Variants in NAV3 observed in about 807,000 individuals in gnomAD.
NAV3 encodes pore membrane and/or filament interacting like protein 1.
NAV3 carries 87 observed loss-of-function variants against 244.7 expected under a neutral mutation model. That is an observed-to-expected ratio of 0.36 (90% CI 0.30 to 0.42). The LOEUF is 0.42. Among genes scored for constraint, NAV3 ranks in the 20% least tolerant of loss-of-function variants. The pLI is 1.00. For synonymous variants in NAV3, 1,126 were observed against 1,042.2 expected (o/e 1.08, Z -1.55); for missense variants, 2,663 against 2,893.3 (o/e 0.92, Z 1.83).
intron 3 of NAV3, among the ~76,000 whole-genome samples, chr12:77,953,735 A>G (rs1891111977): frequency 6.6e-6 from 1 of 152,136 alleles, no homozygotes; most frequent in Non-Finnish European, 1.5e-5. Context: ...CTCTGCCCCC[A>G]GCACTAAGAC....
intron 2 of NAV3, among the ~76,000 whole-genome samples, chr12:77,672,215 A>G (rs1874009800): frequency 6.6e-6 from 1 of 152,202 alleles, no homozygotes; most frequent in South Asian, 2.1e-4. Flanking sequence ...GCCTGCAAGC[A>G]TGGTCATAAG....
At chr12:77,598,815 G>C (rs1343807517) in intron 2 of NAV3, among the ~76,000 whole-genome samples, 1 of 151,876 alleles carries the variant, frequency 6.6e-6, no homozygotes, top group South Asian at 2.1e-4. Context: ...GTTTACCCAT[G>C]TCCCTTTGGG....
intron 6 of NAV3, among the ~76,000 whole-genome samples, chr12:77,997,576 C>T (rs1338312923): frequency 6.6e-6 from 1 of 152,172 alleles, no homozygotes; most frequent in Non-Finnish European, 1.5e-5. Flanking sequence ...AAGCTATTGT[C>T]ACTACATGTA....
At chr12:77,829,547 CT>C (rs1873375507), upstream of NAV3, among the ~76,000 whole-genome samples, 1 of 152,062 alleles carries the variant, frequency 6.6e-6, no homozygotes, top group African/African-American at 2.4e-5. Flanking sequence ...TCTGTATTAC[CT>C]TATAGTTTCT....
intron 1 of NAV3, among the ~76,000 whole-genome samples, chr12:77,908,764 A>T (rs1040587073): frequency 1.3e-5 from 2 of 151,992 alleles, no homozygotes; most frequent in Non-Finnish European, 1.5e-5. Context: ...CTTCTAAGAA[A>T]TTTTTCTGCT....
intron 1 of NAV3, among the ~76,000 whole-genome samples, chr12:77,851,204 A>G (rs1877466790): frequency 6.6e-6 from 1 of 151,984 alleles, no homozygotes; most frequent in Non-Finnish European, 1.5e-5. Context: ...AATTTTTTTT[A>G]TGTAACTGTT....
intron 1 of NAV3, among the ~76,000 whole-genome samples, chr12:77,849,322 G>A (rs749067665): frequency 6.6e-6 from 1 of 151,838 alleles, no homozygotes; most frequent in East Asian, 1.9e-4. Flanking sequence ...TGTCTATATC[G>A]CAAAAAGAGC....
chr12:78,172,518 C>G (rs1280315537), intron 24 of NAV3, among the ~76,000 whole-genome samples: 1 of 151,438 alleles, frequency 6.6e-6, no homozygotes, highest in East Asian at 1.9e-4. Flanking sequence ...TATACCCAAA[C>G]AGTTATAAGT....
At chr12:77,778,393 A>C (rs1014722994) in intron 2 of NAV3, among the ~76,000 whole-genome samples, 13 of 151,678 alleles carry the variant, frequency 8.6e-5, no homozygotes, top group Admixed American at 8.6e-4. Flanking sequence ...CAGGTGGATC[A>C]CGAGGTCAGG....
chr12:77,863,782 G>C (rs1592819778), intron 1 of NAV3, among the ~76,000 whole-genome samples: 1 of 151,810 alleles, frequency 6.6e-6, no homozygotes, highest in Admixed American at 6.6e-5. Flanking sequence ...GCTACTCTGA[G>C]AATAAGATAA....
chr12:77,816,965 G>A (rs1413311838), intron 2 of NAV3, among the ~76,000 whole-genome samples: 3 of 152,124 alleles, frequency 2.0e-5, no homozygotes. Context: ...CTTCCTTATT[G>A]ACAAATTGAA....
rs1318632788 is a variant in NAV3 at position 77,693,431 on chromosome 12, C to T, written c.72+121165C>T. The stretch of plus-strand genomic sequence containing the variant: ...GTCTATAACCTAGAAATCATTTGCT[C>T]CAACATCCCTATCTAGTATCAGTTG... On this transcript the variant is annotated intron_variant, in intron 2 of 8. Coordinates refer to the NAV3 transcript ENST00000550042. Among the ~76,000 whole-genome samples the T allele has an allele frequency of 5.3e-5, 8 of 151,922 alleles. No homozygotes were observed. In the South Asian group the frequency reaches 1.7e-3, roughly 32 times the overall value.
chr12:78,166,184 AG>A (rs1398440181), intron 23 of NAV3, among the ~76,000 whole-genome samples: 1 of 151,868 alleles, frequency 6.6e-6, no homozygotes, highest in Non-Finnish European at 1.5e-5. Flanking sequence ...ACAGGAAAAC[AG>A]GTTTCACAAG....
intron 2 of NAV3, among the ~76,000 whole-genome samples, chr12:77,643,730 A>T (rs1308759831): frequency 6.6e-6 from 1 of 151,956 alleles, no homozygotes; most frequent in African/African-American, 2.4e-5. Flanking sequence ...AAATTTCATG[A>T]GTTATTAGAT....
At chr12:77,687,377 A>C (rs1874804376) in intron 2 of NAV3, among the ~76,000 whole-genome samples, 1 of 152,064 alleles carries the variant, frequency 6.6e-6, no homozygotes, top group Admixed American at 6.6e-5. Flanking sequence ...AGGGCATAAG[A>C]AAGCCGTATT....
intron 2 of NAV3, among the ~76,000 whole-genome samples, chr12:77,766,734 A>ATTTTTTTTTTTTTTTTTTTTTTT (rs1565805085): frequency 1.9e-5 from 1 of 53,342 alleles, no homozygotes; most frequent in Admixed American, 2.5e-4. Context: ...CAGGCAATTA[A>ATTTTTTTTTTTTTTTTTTTTTTT]GTTTTTTTTT....
At chr12:77,767,424 T>C (rs1407367841) in intron 2 of NAV3, among the ~76,000 whole-genome samples, 1 of 152,116 alleles carries the variant, frequency 6.6e-6, no homozygotes, top group African/African-American at 2.4e-5. Flanking sequence ...CTTGGCCTGG[T>C]AGTCTGCACT....
chr12:78,030,606 C>G (rs1252059642), intron 9 of NAV3, among the ~76,000 whole-genome samples: 2 of 152,160 alleles, frequency 1.3e-5, no homozygotes, highest in East Asian at 3.8e-4. Flanking sequence ...CTCCATCAGT[C>G]TTTTCAGTAA....
chr12:78,069,746 A>G (rs1055998224), intron 12 of NAV3, among the ~76,000 whole-genome samples: 3 of 152,024 alleles, frequency 2.0e-5, no homozygotes, highest in African/African-American at 7.2e-5. Flanking sequence ...TTTTCTAAAA[A>G]GATCAAATTT....
Sources: gnomAD v4.1 joint callset for allele counts (sites outside exome capture counted in the v4.1 genomes callset) on GRCh38, gnomAD v4.1.1 for gene constraint, MANE v1.5 for transcripts, NCBI Gene and HGNC (gene_info 2026-07-23, HGNC 2026-07-21) for gene names.